Variants in AEBP2 observed in about 807,000 individuals in gnomAD.
AEBP2 encodes the protein zinc finger protein AEBP2.
In AEBP2, 10 loss-of-function variants were observed where a neutral mutation model predicts 50.8. The ratio of observed to expected loss-of-function variants is 0.20; its 90% CI spans 0.12 to 0.33. AEBP2 has a LOEUF of 0.33. AEBP2 is among the 10% of genes least tolerant of loss of function. The pLI, the probability that AEBP2 is intolerant of heterozygous loss-of-function variation, is 1.00. For missense variants in AEBP2, 570 were observed against 688.0 expected (o/e 0.83, Z 1.92); for synonymous variants, 296 against 261.3 (o/e 1.13, Z -1.28).
chr12:19,419,032 C>T (rs539358616), intron 1 of AEBP2: 8 of 161,582 alleles, frequency 5.0e-5, no homozygotes, highest in Non-Finnish European at 1.0e-4. Flanking sequence ...CTAAACCAGA[C>T]ATCGCCAGTA....
Position 19,518,207 on chromosome 12 carries a change from G to C in AEBP2, c.*90G>C. On this transcript the variant is annotated 3_prime_UTR_variant, in exon 8 of 8. Coordinates refer to ENST00000266508, the MANE Select transcript of AEBP2 (RefSeq NM_153207.5). ...GGTTTAGGGAAAGTTGCACATTAGA[G>C]TCAACCCCTTCTTTTTTTTTTTTTT... is the stretch of plus-strand genomic sequence containing the variant. The C allele has an allele frequency of 7.5e-7, 1 of 1,329,982 alleles. No individual in the cohort carries two copies. Among genetic ancestry groups the C allele is most frequent in the Non-Finnish European group, 9.6e-7 (1 of 1,036,996 alleles). 82.4% of individuals were successfully genotyped at this position (1,329,982 alleles called of 1,614,324 possible).
intron 7 of AEBP2, 146 bp downstream of exon 7, chr12:19,514,930 T>C: frequency 1.6e-6 from 1 of 642,558 alleles, no homozygotes; most frequent in Non-Finnish European, 2.7e-6. Flanking sequence ...TTTTTGGATG[T>C]GGACTCACAA....
chr12:19,408,975 T>A (rs2095737820), intron 1 of AEBP2, among the ~76,000 whole-genome samples: 1 of 152,062 alleles, frequency 6.6e-6, no homozygotes, highest in Non-Finnish European at 1.5e-5. Flanking sequence ...TTTTTTTGTT[T>A]CTTTTCCGGA....
At position 19,520,798 on chromosome 12, in the gene AEBP2, C is replaced by G. The variant is rs1370573643; in HGVS notation, c.*2681C>G. The G allele has an allele frequency of 1.3e-5, 2 of 152,100 alleles. No individual in the cohort carries two copies. Among genetic ancestry groups the G allele is most frequent in the African/African-American group, 4.8e-5 (2 of 41,416 alleles). 9.4% of individuals were successfully genotyped at this position (152,100 alleles called of 1,614,324 possible). A position where few individuals can be genotyped will look rare whatever the true frequency, so the allele number is the denominator to read the frequency against. ...TACTACAGGTTGGCAATCCCTAATC[C>G]AAAAATCTGACATAAAAAATGCTCC... On this transcript the variant is annotated 3_prime_UTR_variant, in exon 8 of 8. Transcript: ENST00000266508.
chr12:19,452,199 C>T (rs1948175776), intron 1 of AEBP2, among the ~76,000 whole-genome samples: 1 of 152,258 alleles, frequency 6.6e-6, no homozygotes, highest in South Asian at 2.1e-4. Context: ...CACCATATTA[C>T]ACAGGTTGGT....
At chr12:19,408,141 A>AATAC (rs890121611) in intron 1 of AEBP2, among the ~76,000 whole-genome samples, 1 of 152,202 alleles carries the variant, frequency 6.6e-6, no homozygotes, top group African/African-American at 2.4e-5. Flanking sequence ...GGACTTAGAG[A>AATAC]ATACGTATGT....
Position 19,440,443 on chromosome 12 carries a change from C to T in AEBP2, c.671+73C>T, listed in dbSNP as rs144161986. On this transcript the variant is annotated intron_variant, in intron 1 of 7. Transcript: ENST00000266508. Reference sequence around the variant, plus strand: ...CGGGCCCCTCAGAGGGGGACCAAGGCGACGTTTTGCCGCGATCCCCCTGCT... The same window carrying T: ...CGGGCCCCTCAGAGGGGGACCAAGGTGACGTTTTGCCGCGATCCCCCTGCT... The T allele has an allele frequency of 3.9e-4, 564 of 1,429,612 alleles. 1 individual carries two copies. The highest frequency in any genetic ancestry group is 4.4e-4 in the Non-Finnish European group (478 of 1,094,814). The allele number at this position is 1,429,612 out of a possible 1,614,324, so 88.6% of individuals were successfully genotyped here. A position where few individuals can be genotyped will look rare whatever the true frequency, so the allele number is the denominator to read the frequency against.
intron 1 of AEBP2, among the ~76,000 whole-genome samples, chr12:19,408,629 C>T (rs970521413): frequency 2.6e-5 from 4 of 151,474 alleles, no homozygotes; most frequent in Non-Finnish European, 2.9e-5. Flanking sequence ...AGGCCGGGCG[C>T]GGTGACTCAC....
intron 1 of AEBP2, among the ~76,000 whole-genome samples, chr12:19,447,328 G>T (rs1249878591): frequency 1.3e-5 from 2 of 152,152 alleles, no homozygotes; most frequent in Non-Finnish European, 1.5e-5. Context: ...AGCATTCCGA[G>T]TTCTTTCTTG....
intron 1 of AEBP2, among the ~76,000 whole-genome samples, chr12:19,423,789 C>T (rs2095747090): frequency 6.6e-6 from 1 of 151,792 alleles, no homozygotes; most frequent in Non-Finnish European, 1.5e-5. Flanking sequence ...TGCAGTGAGC[C>T]GAGATTGCGC....
intron 7 of AEBP2, among the ~76,000 whole-genome samples, chr12:19,515,955 C>T (rs1327894346): frequency 1.3e-5 from 2 of 152,104 alleles, no homozygotes; most frequent in Admixed American, 6.5e-5. Context: ...CATGGTGGCA[C>T]ATGCCTGTGG....
chr12:19,416,477 C>G (rs2095742648), intron 1 of AEBP2, among the ~76,000 whole-genome samples: 2 of 152,040 alleles, frequency 1.3e-5, no homozygotes, highest in Non-Finnish European at 2.9e-5. Context: ...ACCATCTTGG[C>G]TCACTGCAAC....
intron 3 of AEBP2, among the ~76,000 whole-genome samples, chr12:19,476,167 G>A (rs1021304862): frequency 6.6e-6 from 1 of 152,090 alleles, no homozygotes; most frequent in African/African-American, 2.4e-5. Flanking sequence ...TTTTTCCAAT[G>A]TTATCTTCCA....
At chr12:19,480,257 C>T (rs2153374037) in intron 3 of AEBP2, among the ~76,000 whole-genome samples, 1 of 152,266 alleles carries the variant, frequency 6.6e-6, no homozygotes, top group Admixed American at 6.5e-5. Flanking sequence ...GTGCCCACCA[C>T]CACGCCTGGC....
chr12:19,460,905 C>T (rs969407078), intron 1 of AEBP2, among the ~76,000 whole-genome samples: 4 of 152,088 alleles, frequency 2.6e-5, no homozygotes, highest in South Asian at 2.1e-4. Context: ...CTGCCTGCTG[C>T]GGCCTCCCAA....
chr12:19,414,279 C>T (rs2095741044), intron 1 of AEBP2, among the ~76,000 whole-genome samples: 2 of 152,108 alleles, frequency 1.3e-5, no homozygotes, highest in African/African-American at 2.4e-5. Flanking sequence ...AATACAGCCC[C>T]GTAGGTTTCA....
At chr12:19,420,328 A>AATT (rs1555179370) in intron 1 of AEBP2, among the ~76,000 whole-genome samples, 1 of 76,586 alleles carries the variant, frequency 1.3e-5, no homozygotes, top group African/African-American at 5.5e-5. Flanking sequence ...TGTGCTGACC[A>AATT]TTTTTTTTTT....
chr12:19,472,446 T>TA (rs1187393991), intron 2 of AEBP2, among the ~76,000 whole-genome samples: 2 of 152,200 alleles, frequency 1.3e-5, no homozygotes, highest in Non-Finnish European at 2.9e-5. Flanking sequence ...AGGAAGATGA[T>TA]AAAGATTAAT....
intron 1 of AEBP2, among the ~76,000 whole-genome samples, chr12:19,453,258 C>T (rs958826305): frequency 9.9e-5 from 15 of 151,882 alleles, no homozygotes; most frequent in South Asian, 4.2e-4. Flanking sequence ...CGTGAGCCAC[C>T]GTGCCCGGCC....
Sources: allele counts gnomAD v4.1 joint callset (sites outside exome capture counted in the v4.1 genomes callset), GRCh38; gene constraint gnomAD v4.1.1; transcripts MANE v1.5; gene names NCBI Gene and HGNC (gene_info 2026-07-23, HGNC 2026-07-21).